The following CDC42BPA variants were observed in gnomAD, a reference collection of about 807,000 sequenced individuals.
The protein encoded by CDC42BPA is serine/threonine-protein kinase MRCK alpha.
A neutral mutation model predicts 223.5 loss-of-function variants in CDC42BPA; 80 were observed. The observed-to-expected ratio is 0.36, with a 90% CI of 0.30 to 0.43. The LOEUF is 0.43. Among genes scored for constraint, CDC42BPA ranks in the 20% least tolerant of loss-of-function variants. The pLI, the probability that CDC42BPA is intolerant of heterozygous loss-of-function variation, is 1.00. For missense variants in CDC42BPA, 1,743 were observed against 2,099.9 expected (o/e 0.83, Z 3.32); for synonymous variants, 694 against 718.6 (o/e 0.97, Z 0.55).
chr1:227,045,382 A>T (rs991175670), intron 23 of CDC42BPA, among the ~76,000 whole-genome samples: 2 of 152,128 alleles, frequency 1.3e-5, no homozygotes, highest in African/African-American at 4.8e-5. Flanking sequence ...AAATCTCCTT[A>T]AAGGTTTAAA....
At chr1:227,243,193 G>A (rs185887379) in intron 2 of CDC42BPA, among the ~76,000 whole-genome samples, 10 of 152,256 alleles carry the variant, frequency 6.6e-5, no homozygotes, top group African/African-American at 2.4e-4. Context: ...GTGGGAGGAG[G>A]GAGAGGATCA....
Position 227,250,566 on chromosome 1 carries a change from C to T in CDC42BPA, c.270+3498G>A, listed in dbSNP as rs1681798390. 2.0e-5 allele frequency among the ~76,000 whole-genome samples: 3 copies of T among 151,968 alleles called. No individual in the cohort carries two copies. In the South Asian group the frequency reaches 6.2e-4, roughly 32 times the overall value. Reference sequence around the variant, plus strand: ...ATAAAATGCTATTGCTTGTTTTGTACCCTAAAAAAATGTAAAAATCCATCG... The same window carrying T: ...ATAAAATGCTATTGCTTGTTTTGTATCCTAAAAAAATGTAAAAATCCATCG... On this transcript the variant is annotated intron_variant, in intron 2 of 36. Coordinates refer to ENST00000366766, the MANE Select transcript of CDC42BPA (RefSeq NM_001394014.1).
At chr1:227,259,790 T>C (rs1683738906) in intron 1 of CDC42BPA, among the ~76,000 whole-genome samples, 1 of 150,992 alleles carries the variant, frequency 6.6e-6, no homozygotes, top group South Asian at 2.1e-4. Flanking sequence ...TAGTTTTATG[T>C]AAATTATGAC....
intron 32 of CDC42BPA, among the ~76,000 whole-genome samples, chr1:227,017,609 G>T (rs577754124): frequency 7.2e-5 from 11 of 152,198 alleles, no homozygotes; most frequent in Admixed American, 5.9e-4. Flanking sequence ...CTTTATAAAA[G>T]GTAAGAATCT....
chr1:227,058,431 G>C (rs886887541), intron 21 of CDC42BPA, among the ~76,000 whole-genome samples: 1 of 152,164 alleles, frequency 6.6e-6, no homozygotes, highest in African/African-American at 2.4e-5. Context: ...TAAGAATTCG[G>C]AATGTAAAGT....
chr1:227,118,595 C>A (rs1266766563), intron 12 of CDC42BPA, among the ~76,000 whole-genome samples: 1 of 152,026 alleles, frequency 6.6e-6, no homozygotes, highest in African/African-American at 2.4e-5. Context: ...ATAAATCTAG[C>A]TATCTGATTT....
At chr1:227,051,044 T>C (rs1673435755) in intron 22 of CDC42BPA, among the ~76,000 whole-genome samples, 1 of 151,954 alleles carries the variant, frequency 6.6e-6, no homozygotes, top group Non-Finnish European at 1.5e-5. Flanking sequence ...CACAAGAGGG[T>C]CTCATTAACT....
intron 2 of CDC42BPA, among the ~76,000 whole-genome samples, chr1:227,217,217 T>C (rs759074365): frequency 3.3e-5 from 5 of 151,842 alleles, no homozygotes; most frequent in Non-Finnish European, 7.4e-5. Flanking sequence ...GAAGCCGAGG[T>C]GGGTGGATCA....
chr1:227,166,540 C>CTATA (rs539613045), intron 5 of CDC42BPA, among the ~76,000 whole-genome samples: 1 of 152,186 alleles, frequency 6.6e-6, no homozygotes, highest in Non-Finnish European at 1.5e-5. Context: ...TTGACCAAGA[C>CTATA]TATAGCTTGG....
At chr1:227,145,370 G>T in intron 8 of CDC42BPA, 119 bp downstream of exon 8, 3 of 796,098 alleles carry the variant, frequency 3.8e-6, no homozygotes, top group Non-Finnish European at 5.9e-6. Context: ...CATGATCACT[G>T]ACTAATAACT....
intron 1 of CDC42BPA, among the ~76,000 whole-genome samples, chr1:227,256,962 C>T (rs1051030885): frequency 6.0e-5 from 9 of 149,778 alleles, no homozygotes; most frequent in Non-Finnish European, 1.3e-4. Context: ...CACACACACA[C>T]ACACACACAC....
intron 16 of CDC42BPA, among the ~76,000 whole-genome samples, chr1:227,082,399 TTTTTC>T (rs1680879699): frequency 6.6e-6 from 1 of 151,908 alleles, no homozygotes; most frequent in East Asian, 1.9e-4. Context: ...AACACCTTTA[TTTTTC>T]TTTTGACTTG....
chr1:227,273,763 AGTTC>A (rs2148490026), intron 1 of CDC42BPA, among the ~76,000 whole-genome samples: 1 of 151,884 alleles, frequency 6.6e-6, no homozygotes, highest in African/African-American at 2.4e-5. Flanking sequence ...TTAGGACAAT[AGTTC>A]GTTCTAACTG....
At chr1:227,005,166 G>T in intron 34 of CDC42BPA, 55 bp from the exon 35 acceptor site, 1 of 1,156,536 alleles carries the variant, frequency 8.6e-7, no homozygotes, top group Non-Finnish European at 1.3e-6. Context: ...TGATTTTTCT[G>T]CAGAGATGTC....
At position 227,143,010 on chromosome 1, in the gene CDC42BPA, T is replaced by TG; in HGVS notation, c.1157dup (p.Pro387ThrfsTer20). The TG allele has an allele frequency of 6.5e-7, 1 of 1,530,256 alleles. No homozygotes were observed. The highest frequency in any genetic ancestry group is 8.7e-7 in the Non-Finnish European group (1 of 1,148,538). 94.8% of individuals were successfully genotyped at this position (1,530,256 alleles called of 1,614,324 possible). On this transcript the variant is annotated frameshift_variant, in exon 9 of 37. Transcript: ENST00000366766. LOFTEE classifies it high-confidence loss of function. ...GGCCAGAAAATGCAGTATGTGTTGG[T>TG]GGGGGCATCGTTTCCTAAAGGAGGA...
intron 1 of CDC42BPA, chr1:227,264,945 TCTCTTC>T: frequency 9.2e-7 from 1 of 1,091,806 alleles, no homozygotes; most frequent in Non-Finnish European, 1.4e-6. Context: ...TCATGGATTA[TCTCTTC>T]CTCTTCTTGT....
At chr1:227,253,206 A>G (rs1243023793) in intron 2 of CDC42BPA, among the ~76,000 whole-genome samples, 3 of 151,928 alleles carry the variant, frequency 2.0e-5, no homozygotes, top group Admixed American at 6.6e-5. Flanking sequence ...GAGACAAGAG[A>G]AGAGAGAGGA....
chr1:227,248,514 A>G (rs1247636659), intron 2 of CDC42BPA, among the ~76,000 whole-genome samples: 1 of 152,230 alleles, frequency 6.6e-6, no homozygotes, highest in Non-Finnish European at 1.5e-5. Context: ...CCCATTTACA[A>G]TAGCCACAAA....
chr1:227,132,597 C>G (rs1450529084), intron 10 of CDC42BPA, among the ~76,000 whole-genome samples: 1 of 146,504 alleles, frequency 6.8e-6, no homozygotes, highest in Non-Finnish European at 1.5e-5. Context: ...CGCCCATCGT[C>G]TGGGATGTGA....
Sources: gnomAD v4.1 joint callset for allele counts (sites outside exome capture counted in the v4.1 genomes callset) on GRCh38, gnomAD v4.1.1 for gene constraint, MANE v1.5 for transcripts, NCBI Gene and HGNC (gene_info 2026-07-23, HGNC 2026-07-21) for gene names.